SRGAP3: variants seen among roughly 807,000 people sequenced by gnomAD.
SRGAP3 encodes SLIT-ROBO Rho GTPase activating protein 3, also known as SLIT-ROBO Rho GTPase-activating protein 3.
A neutral mutation model predicts 121.1 loss-of-function variants in SRGAP3; 39 were observed. The observed-to-expected ratio is 0.32, with a 90% CI of 0.25 to 0.42. The LOEUF is 0.42. Among genes scored for constraint, SRGAP3 ranks in the 10% least tolerant of loss-of-function variants. SRGAP3 has a pLI of 1.00. For synonymous variants in SRGAP3, 601 were observed against 570.0 expected (o/e 1.05, Z -0.77); for missense variants, 1,213 against 1,470.6 (o/e 0.82, Z 2.86).
At chr3:9,030,282 C>T (rs990043868) in intron 12 of SRGAP3, among the ~76,000 whole-genome samples, 21 of 152,182 alleles carry the variant, frequency 1.4e-4, no homozygotes, top group Non-Finnish European at 7.3e-5. Flanking sequence ...GCACTTATTC[C>T]AACAGCGCTG....
chr3:9,028,114 G>A, intron 12 of SRGAP3: 1 of 1,614,140 alleles, frequency 6.2e-7, no homozygotes, highest in Non-Finnish European at 8.5e-7. Context: ...TTCCTGGTTC[G>A]AGCATTTCTT....
At chr3:9,172,960 A>T (rs1951038253) in intron 1 of SRGAP3, among the ~76,000 whole-genome samples, 1 of 152,212 alleles carries the variant, frequency 6.6e-6, no homozygotes, top group South Asian at 2.1e-4. Flanking sequence ...GGAGAAGTAA[A>T]CAGAAACAGT....
chr3:9,033,705 G>A (rs1944609498), intron 11 of SRGAP3: 1 of 152,344 alleles, frequency 6.6e-6, no homozygotes, highest in Admixed American at 6.5e-5. Flanking sequence ...TTACAGGCAT[G>A]AGCCTCCTTA....
chr3:9,067,949 G>T (rs893875142), intron 4 of SRGAP3, among the ~76,000 whole-genome samples: 1 of 152,104 alleles, frequency 6.6e-6, no homozygotes, highest in Admixed American at 6.5e-5. Context: ...ATGTAAAGAA[G>T]AAATAAAATA....
At chr3:9,069,076 G>A (rs189058950) in intron 4 of SRGAP3, among the ~76,000 whole-genome samples, 4 of 152,300 alleles carry the variant, frequency 2.6e-5, no homozygotes, top group Admixed American at 2.0e-4. Flanking sequence ...TGGAGTCAGG[G>A]TTCAAAGCCA....
rs1574874638 is a variant in SRGAP3 at position 9,210,464 on chromosome 3, G to A, written c.67+38421C>T. ...ATCGTACCACTGCACTCCAGCCTAG[G>A]TGACACAGTGAGACTCTGTCTCTAA... On this transcript the variant is annotated intron_variant, in intron 1 of 21. Coordinates refer to ENST00000383836, the MANE Select transcript of SRGAP3 (RefSeq NM_014850.4). Among the ~76,000 whole-genome samples, 3 of 152,258 alleles carry A rather than the reference G, an allele frequency of 2.0e-5. No homozygotes were observed. The East Asian group carries it at 5.8e-4, about 29-fold the overall frequency.
intron 10 of SRGAP3, among the ~76,000 whole-genome samples, chr3:9,045,550 G>A (rs1053973373): frequency 1.3e-5 from 2 of 151,576 alleles, no homozygotes; most frequent in Admixed American, 6.6e-5. Flanking sequence ...GATGATGACC[G>A]TCATCATCAA....
At chr3:9,254,837 C>T (rs1440304985) in intron 3 of SRGAP3, among the ~76,000 whole-genome samples, 2 of 99,980 alleles carry the variant, frequency 2.0e-5, no homozygotes, top group African/African-American at 3.9e-5. Flanking sequence ...GAGAGAGGAA[C>T]GAAGGGAGGG....
chr3:9,097,084 A>T (rs996916081), intron 3 of SRGAP3, among the ~76,000 whole-genome samples: 1 of 150,328 alleles, frequency 6.7e-6, no homozygotes, highest in African/African-American at 2.4e-5. Context: ...CCAAAATCCC[A>T]GGCTTAAGCA....
intron 1 of SRGAP3, among the ~76,000 whole-genome samples, chr3:9,148,839 C>T (rs111929268): frequency 5.5e-4 from 84 of 152,262 alleles, no homozygotes; most frequent in African/African-American, 1.7e-3. Flanking sequence ...CTTCCCCAAA[C>T]CTGAGAGTGG....
intron 1 of SRGAP3, among the ~76,000 whole-genome samples, chr3:9,144,348 C>A (rs962610135): frequency 2.0e-5 from 3 of 152,230 alleles, no homozygotes; most frequent in African/African-American, 7.2e-5. Flanking sequence ...CTCTCTTCCC[C>A]TTCAACATAC....
intron 1 of SRGAP3, among the ~76,000 whole-genome samples, chr3:9,199,373 A>G (rs949368551): frequency 4.6e-5 from 7 of 152,208 alleles, no homozygotes; most frequent in African/African-American, 1.7e-4. Flanking sequence ...CCGTTTTTCA[A>G]TCACACCAAT....
intron 1 of SRGAP3, among the ~76,000 whole-genome samples, chr3:9,225,183 C>G (rs1348463184): frequency 6.6e-6 from 1 of 152,160 alleles, no homozygotes; most frequent in East Asian, 1.9e-4. Flanking sequence ...CAGTGCTTCA[C>G]GTGACACTCA....
chr3:9,102,432 G>A (rs1296832444), intron 3 of SRGAP3, among the ~76,000 whole-genome samples: 1 of 152,184 alleles, frequency 6.6e-6, no homozygotes, highest in African/African-American at 2.4e-5. Context: ...GGTTCTCCTT[G>A]CAGCCTCCCA....
rs373550928 is a variant in SRGAP3 at position 9,032,764 on chromosome 3, C to T, written c.1437-12G>A. 3.8e-5 allele frequency: 61 copies of T among 1,610,596 alleles called. No homozygotes were observed. Among genetic ancestry groups the T allele is most frequent in the African/African-American group, 1.1e-4 (8 of 74,706 alleles). On this transcript the variant is annotated splice_polypyrimidine_tract_variant and intron_variant, in intron 11 of 21. Coordinates refer to ENST00000383836, the MANE Select transcript of SRGAP3 (RefSeq NM_014850.4). ...GAAGACAGGGGGGCCTAGGGGAAAA[C>T]GGAACAAAAGAAATCAAGAAAGCAA...
At position 9,064,409 on chromosome 3, in the gene SRGAP3, T is replaced by G; in HGVS notation, c.659A>C (p.Lys220Thr). The G allele has an allele frequency of 6.2e-7, 1 of 1,614,212 alleles. No individual in the cohort carries two copies. The highest frequency in any genetic ancestry group is 1.1e-5 in the South Asian group (1 of 91,086). ...QRRSSVKKIE[K>T]MKEKRQAKYS... ...GCCCCCACTCACCTTCTCCTTCATCTTCTCAATCTTCTTCACAGAGCTGCG... is the reference window on the plus strand; with the variant it reads ...GCCCCCACTCACCTTCTCCTTCATCGTCTCAATCTTCTTCACAGAGCTGCG... The change falls in exon 5 of 22, where the codon AAG becomes ACG. Residue 220 changes from lysine (K) to threonine (T), a missense_variant. Lys to Thr is a moderately conservative substitution (Grantham distance 78, BLOSUM62 -1). Transcript: ENST00000383836.
At chr3:9,215,926 G>T (rs1179521387) in intron 1 of SRGAP3, among the ~76,000 whole-genome samples, 1 of 152,192 alleles carries the variant, frequency 6.6e-6, no homozygotes, top group East Asian at 1.9e-4. Flanking sequence ...GCTTGTAGAT[G>T]GCCTAGCATG....
At chr3:9,276,432 T>G (rs919733276) in intron 3 of SRGAP3, among the ~76,000 whole-genome samples, 6 of 151,432 alleles carry the variant, frequency 4.0e-5, no homozygotes, top group Non-Finnish European at 3.0e-5. Flanking sequence ...CTGTTTGTTT[T>G]TTTTTTTTTT....
chr3:9,197,833 C>T (rs1019079532), intron 1 of SRGAP3, among the ~76,000 whole-genome samples: 1 of 152,254 alleles, frequency 6.6e-6, no homozygotes, highest in African/African-American at 2.4e-5. Flanking sequence ...GTTTAAAGGG[C>T]TTCCTTCACA....
Sources: gnomAD v4.1 joint callset for allele counts (sites outside exome capture counted in the v4.1 genomes callset) on GRCh38, gnomAD v4.1.1 for gene constraint, MANE v1.5 for transcripts, NCBI Gene and HGNC (gene_info 2026-07-23, HGNC 2026-07-21) for gene names.